Variants in CFAP45 observed in about 807,000 individuals in gnomAD.
The protein encoded by CFAP45 is cilia- and flagella-associated protein 45.
A neutral mutation model predicts 75.6 loss-of-function variants in CFAP45; 43 were observed. The observed-to-expected ratio is 0.57, with a 90% confidence interval of 0.45 to 0.73. The LOEUF is 0.73. CFAP45 is among the 30% of genes least tolerant of loss of function. The pLI is 0.00. For synonymous variants in CFAP45, 223 were observed against 244.6 expected, an observed-to-expected ratio of 0.91 and a Z score of 0.82; for missense variants, 689 against 701.5, an observed-to-expected ratio of 0.98 and a Z score of 0.20.
At chr1:159,888,635 T>TG (rs1417018851) in intron 3 of CFAP45, 139 bp from the exon 4 acceptor site, 1 of 729,088 alleles carries the variant, frequency 1.4e-6, no homozygotes, top group Non-Finnish European at 2.2e-6. Flanking sequence ...AAGTGTGCCA[T>TG]GGGTCCACTG....
intron 8 of CFAP45, among the ~76,000 whole-genome samples, chr1:159,878,555 C>A (rs1201439531): frequency 6.6e-6 from 1 of 151,468 alleles, no homozygotes; most frequent in Non-Finnish European, 1.5e-5. Context: ...GAGATCAAAC[C>A]AATCCAGGCC....
intron 8 of CFAP45, among the ~76,000 whole-genome samples, chr1:159,878,984 C>T (rs971294796): frequency 3.3e-5 from 5 of 152,034 alleles, no homozygotes; most frequent in East Asian, 1.9e-4. Context: ...TAGATACCAC[C>T]GTGAGGTCGG....
At chr1:159,872,887 G>A (rs1649312187) in intron 11 of CFAP45, 57 bp downstream of exon 11, 4 of 1,520,750 alleles carry the variant, frequency 2.6e-6, no homozygotes, top group African/African-American at 1.4e-5. Context: ...CCAGCCTGTG[G>A]TGCCATCTCT....
chr1:159,889,719 T>G (rs1236998407), intron 3 of CFAP45, among the ~76,000 whole-genome samples: 4 of 152,158 alleles, frequency 2.6e-5, no homozygotes, highest in Non-Finnish European at 5.9e-5. Context: ...TGACCAGACA[T>G]GCTCAGTAAG....
chr1:159,886,882 C>T (rs958480065), intron 5 of CFAP45, among the ~76,000 whole-genome samples, 193 bp from the exon 6 acceptor site: 2 of 152,152 alleles, frequency 1.3e-5, no homozygotes, highest in African/African-American at 4.8e-5. Flanking sequence ...TTACTGGCCT[C>T]CTGCTAGGTG....
chr1:159,881,458 G>T (rs530181617), intron 7 of CFAP45, among the ~76,000 whole-genome samples: 1 of 152,314 alleles, frequency 6.6e-6, no homozygotes, highest in South Asian at 2.1e-4. Context: ...CTGCCTTGCA[G>T]GTCCCCACTC....
chr1:159,877,547 A>C, intron 8 of CFAP45, 85 bp from the exon 9 acceptor site: 1 of 906,866 alleles, frequency 1.1e-6, no homozygotes, highest in Non-Finnish European at 1.9e-6. Context: ...AGACTTTCCA[A>C]TATCTCCCCT....
chr1:159,888,407 C>G lies in CFAP45; in HGVS notation c.362G>C (p.Arg121Thr). 2.5e-6 allele frequency: 4 copies of G among 1,611,428 alleles called. No individual in the cohort carries two copies. Among genetic ancestry groups the G allele is most frequent in the African/African-American group, 1.3e-5 (1 of 74,888 alleles). The change falls in exon 4 of 12, where the codon AGA becomes ACA. Residue 121 changes from arginine (R) to threonine (T), a missense_variant. Arg to Thr is a moderately conservative substitution (Grantham distance 71). Coordinates refer to ENST00000368099, the MANE Select transcript of CFAP45 (RefSeq NM_012337.3). ...CTGGTCCCTGGCCTCAAGTTCTTCT[C>G]TGGTCAGGACATGGGATGCCCATTT... ...RIKWASHVLT[R>T]EELEARDQAF...
chr1:159,896,976 G>A (rs78434875), intron 1 of CFAP45, among the ~76,000 whole-genome samples: 2,455 of 152,306 alleles, frequency 0.016, 33 homozygotes, highest in Middle Eastern at 0.041. Flanking sequence ...TGTAAGAAAC[G>A]CATAAGGCTG....
At position 159,887,833 on chromosome 1, in the gene CFAP45, G is replaced by A. The variant is rs749999605; in HGVS notation, c.588+8C>T. On this transcript the variant is annotated splice_region_variant and intron_variant, in intron 5 of 11. Transcript: ENST00000368099. ...TGCTCAGAGGGAAGGGAGAGACGAA[G>A]AGCCCACCTTGCTCATGTCCTTGAG... is the stretch of plus-strand genomic sequence containing the variant. 1 of 1,607,062 alleles carries A rather than the reference G, an allele frequency of 6.2e-7. No individual in the cohort carries two copies.
chr1:159,899,210 C>T (rs773618423), intron 1 of CFAP45, among the ~76,000 whole-genome samples: 1 of 152,114 alleles, frequency 6.6e-6, no homozygotes, highest in Non-Finnish European at 1.5e-5. Context: ...CCCAGCAAAC[C>T]CCAGGCTGCC....
In CFAP45 at chr1:159,890,381, T is replaced by G. The variant is rs143340798; in HGVS notation, c.272+99A>C. 4.0e-4 allele frequency: 447 copies of G among 1,116,052 alleles called. 1 individual carries two copies. The highest frequency in any genetic ancestry group is 5.6e-4 in the Non-Finnish European group (425 of 753,280). The allele number at this position is 1,116,052 out of a possible 1,614,324, so 69.1% of individuals were successfully genotyped here. A position where few individuals can be genotyped will look rare whatever the true frequency, so the allele number is the denominator to read the frequency against. ...AATAGGAAAGAAGTGGGGATTGGACTGACAGAATGAAACCAGGTGGGTTTA... is the reference window on the plus strand; with the variant it reads ...AATAGGAAAGAAGTGGGGATTGGACGGACAGAATGAAACCAGGTGGGTTTA... On this transcript the variant is annotated intron_variant, in intron 3 of 11. Transcript: ENST00000368099.
In CFAP45 at chr1:159,873,027, C is replaced by T. The variant is rs1314190744; in HGVS notation, c.1494G>A (p.Glu498=). The part of the protein sequence containing the change: ...KEVQNRIATF[E]EGRRLKEEAQ... ...CCTCCTCTTTGAGGCGCCGGCCCTCCTCAAAGGTGGCAATCCGGTTCTGCA... is the reference window on the plus strand; with the variant it reads ...CCTCCTCTTTGAGGCGCCGGCCCTCTTCAAAGGTGGCAATCCGGTTCTGCA... The change falls in exon 11 of 12, where the codon GAG becomes GAA. Residue 498 remains glutamate, a synonymous_variant. Transcript: ENST00000368099. 1.2e-6 allele frequency: 2 copies of T among 1,614,148 alleles called. No individual in the cohort carries two copies. The highest frequency in any genetic ancestry group is 1.7e-6 in the Non-Finnish European group (2 of 1,180,060).
intron 1 of CFAP45, among the ~76,000 whole-genome samples, chr1:159,897,509 G>A (rs1473168870): frequency 6.6e-6 from 1 of 152,110 alleles, no homozygotes; most frequent in East Asian, 1.9e-4. Flanking sequence ...CTTGAACCTG[G>A]GAGGTGGAGG....
chr1:159,873,008 CTT>C lies in CFAP45; in HGVS notation c.1511_1512del (p.Lys504ArgfsTer8), dbSNP rs772078958. Reference sequence around the variant, plus strand: ...CGCTCACGGCGTTTCTGGGCCTCCTCTTTGAGGCGCCGGCCCTCCTCAAAGGT... The same window carrying C: ...CGCTCACGGCGTTTCTGGGCCTCCTCTGAGGCGCCGGCCCTCCTCAAAGGT... Reference protein sequence around the residue: ...IATFEEGRRLKEEAQKRRERI... With the variant: ...IATFEEGRRLXEEAQKRRERI... On this transcript the variant is annotated frameshift_variant, in exon 11 of 12. Coordinates refer to ENST00000368099, the MANE Select transcript of CFAP45 (RefSeq NM_012337.3). LOFTEE classifies it high-confidence loss of function. The C allele has an allele frequency of 6.2e-7, 1 of 1,614,260 alleles. No individual in the cohort carries two copies. The highest frequency in any genetic ancestry group is 8.5e-7 in the Non-Finnish European group (1 of 1,180,054).
In CFAP45 at chr1:159,880,555, ATCT is replaced by A; in HGVS notation, c.1040_1042del (p.Lys347del). On this transcript the variant is annotated inframe_deletion and splice_region_variant, in exon 8 of 12. Coordinates refer to ENST00000368099, the MANE Select transcript of CFAP45 (RefSeq NM_012337.3). ...AGGTCCCAGAAACCAAGTCCCTACC[ATCT>A]TCTTCTTGGTAAACTCCATCACCAT... is the stretch of plus-strand genomic sequence containing the variant. The A allele has an allele frequency of 6.2e-7, 1 of 1,612,374 alleles. No individual in the cohort carries two copies. The highest frequency in any genetic ancestry group is 2.2e-5 in the East Asian group (1 of 44,808).
At chr1:159,873,285 C>G in intron 10 of CFAP45, 117 bp from the exon 11 acceptor site, 1 of 752,986 alleles carries the variant, frequency 1.3e-6, no homozygotes, top group Non-Finnish European at 2.2e-6. Context: ...AGACCACAGC[C>G]CTCTGGGCTC....
At chr1:159,877,528 C>A in intron 8 of CFAP45, 66 bp from the exon 9 acceptor site, 1 of 1,101,490 alleles carries the variant, frequency 9.1e-7, no homozygotes, top group Non-Finnish European at 1.4e-6. Context: ...GAAACAAAAC[C>A]CCTACAACAG....
intron 6 of CFAP45, among the ~76,000 whole-genome samples, chr1:159,885,282 G>A (rs918280297): frequency 3.3e-5 from 5 of 152,204 alleles, no homozygotes; most frequent in Non-Finnish European, 5.9e-5. Flanking sequence ...TTCCTTTGCT[G>A]GAGCTGTTTA....
Sources: gnomAD v4.1 joint callset for allele counts (sites outside exome capture counted in the v4.1 genomes callset) on GRCh38, gnomAD v4.1.1 for gene constraint, MANE v1.5 for transcripts, NCBI Gene and HGNC (gene_info 2026-07-23, HGNC 2026-07-21) for gene names.